SAMD12: variants seen among roughly 807,000 people sequenced by gnomAD.
SAMD12 encodes the protein sterile alpha motif domain-containing protein 12.
In SAMD12, 9 loss-of-function variants were observed where a neutral mutation model predicts 15.0. The observed-to-expected ratio is 0.60, with a 90% CI of 0.36 to 1.05. SAMD12 has a LOEUF of 1.05. SAMD12 is among the 50% of genes least tolerant of loss of function. The pLI is 0.01. For missense variants in SAMD12, 230 were observed against 234.2 expected (o/e 0.98, Z 0.12); for synonymous variants, 86 against 90.1 (o/e 0.96, Z 0.25).
chr8:118,454,210 A>C (rs78905540), intron 2 of SAMD12, among the ~76,000 whole-genome samples: 3,657 of 152,350 alleles, frequency 0.024, 131 homozygotes, highest in African/African-American at 0.083. Flanking sequence ...TTGATTGATA[A>C]AATGGCTAGA....
At chr8:118,283,188 G>T (rs1813742514) in intron 4 of SAMD12, among the ~76,000 whole-genome samples, 1 of 152,028 alleles carries the variant, frequency 6.6e-6, no homozygotes, top group South Asian at 2.1e-4. Context: ...GTGCAGGTTT[G>T]TTACATATGT....
the SAMD12 span, among the ~76,000 whole-genome samples, chr8:118,141,180 GTCAACACTTT>G: frequency 3.3e-5 from 5 of 152,346 alleles, no homozygotes; most frequent in Middle Eastern, 3.4e-3. Flanking sequence ...AAAGGACATT[GTCAACACTTT>G]TCTGGCTCAG....
intron 2 of SAMD12, among the ~76,000 whole-genome samples, chr8:118,528,703 A>G (rs1825600882): frequency 1.3e-5 from 2 of 152,222 alleles, no homozygotes. Flanking sequence ...CTCTGCCCAG[A>G]AAAGTGAGTC....
intron 4 of SAMD12, among the ~76,000 whole-genome samples, chr8:118,238,220 AC>A (rs1486400945): frequency 6.6e-6 from 1 of 152,082 alleles, no homozygotes; most frequent in Non-Finnish European, 1.5e-5. Context: ...CATGCATCTG[AC>A]ATTTTACCAG....
intron 2 of SAMD12, among the ~76,000 whole-genome samples, chr8:118,475,807 A>T (rs1823943699): frequency 6.6e-6 from 1 of 152,204 alleles, no homozygotes; most frequent in Admixed American, 6.5e-5. Flanking sequence ...CATTAGCGTC[A>T]CCATGTAATT....
In SAMD12 at chr8:118,222,794, G is replaced by T. The variant is rs17507606; in HGVS notation, c.434-25062C>A. Among the ~76,000 whole-genome samples, 298 of 152,066 alleles carry T rather than the reference G, an allele frequency of 2.0e-3. 1 individual carries two copies. The highest frequency in any genetic ancestry group is 6.9e-3 in the African/African-American group (288 of 41,484). The stretch of plus-strand genomic sequence containing the variant: ...CGCTGGGATTACAAGTGTGAGCCAC[G>T]GCACCCGGCCGAGGAAGTGCATTTT... On this transcript the variant is annotated intron_variant, in intron 4 of 4. Coordinates refer to the SAMD12 transcript ENST00000409003.
At chr8:118,178,270 C>T in the SAMD12 span, among the ~76,000 whole-genome samples, 8 of 152,012 alleles carry the variant, frequency 5.3e-5, no homozygotes, top group African/African-American at 1.9e-4. Context: ...AGCCAAGCAA[C>T]GTTTTGTTCA....
the SAMD12 span, among the ~76,000 whole-genome samples, chr8:118,139,433 T>C: frequency 6.6e-6 from 1 of 152,178 alleles, no homozygotes; most frequent in Non-Finnish European, 1.5e-5. Flanking sequence ...ATCATAGCTC[T>C]CTGCAGACTC....
chr8:118,614,162 A>G (rs968582220), intron 1 of SAMD12, among the ~76,000 whole-genome samples: 3 of 152,216 alleles, frequency 2.0e-5, no homozygotes, highest in East Asian at 3.9e-4. Context: ...TTTCATAAGT[A>G]TGGCAGGAAG....
intron 3 of SAMD12, among the ~76,000 whole-genome samples, chr8:118,426,238 G>T (rs555637218): frequency 6.6e-6 from 1 of 152,260 alleles, no homozygotes; most frequent in East Asian, 1.9e-4. Context: ...TATTGTCCGG[G>T]TTTTAACTCC....
rs530780141 is a variant in SAMD12 at position 118,566,381 on chromosome 8, T to C, written c.192+14334A>G. ...TCGCAGTTTTTCAAACCTCAGTTGG[T>C]TTCCTTCCAAATATATATTAGAATT... On this transcript the variant is annotated intron_variant, in intron 2 of 3. Transcript: ENST00000314727. 2.0e-5 allele frequency among the ~76,000 whole-genome samples: 3 copies of C among 152,288 alleles called. No homozygotes were observed. In the East Asian group the frequency reaches 5.8e-4, roughly 29 times the overall value.
At chr8:118,314,558 C>G (rs1438351949) in intron 4 of SAMD12, among the ~76,000 whole-genome samples, 1 of 152,190 alleles carries the variant, frequency 6.6e-6, no homozygotes, top group African/African-American at 2.4e-5. Flanking sequence ...CACTCACCAT[C>G]CCTGACCCCT....
the SAMD12 span, among the ~76,000 whole-genome samples, chr8:118,146,469 T>C: frequency 1.9e-4 from 29 of 152,172 alleles, no homozygotes; most frequent in African/African-American, 5.1e-4. Context: ...TTTTCCCCAT[T>C]AGACTTTGTA....
intron 4 of SAMD12, among the ~76,000 whole-genome samples, chr8:118,257,432 G>A (rs1223728978): frequency 6.6e-6 from 1 of 152,048 alleles, no homozygotes; most frequent in African/African-American, 2.4e-5. Flanking sequence ...CCAATAGAGG[G>A]TTACTGTGTT....
chr8:118,258,741 C>T (rs997214428), intron 4 of SAMD12, among the ~76,000 whole-genome samples: 1 of 152,058 alleles, frequency 6.6e-6, no homozygotes, highest in African/African-American at 2.4e-5. Context: ...TTCCATCTGT[C>T]CCTTACTCTA....
intron 4 of SAMD12, among the ~76,000 whole-genome samples, chr8:118,216,735 G>GATATT (rs1384931433): frequency 4.6e-5 from 7 of 152,174 alleles, no homozygotes; most frequent in Non-Finnish European, 8.8e-5. Context: ...AATAACTGAT[G>GATATT]TGCATAATGA....
At chr8:118,576,093 C>T (rs534316143) in intron 2 of SAMD12, among the ~76,000 whole-genome samples, 1 of 151,980 alleles carries the variant, frequency 6.6e-6, no homozygotes, top group East Asian at 1.9e-4. Flanking sequence ...ATTCCTATAC[C>T]CAGAGAACTT....
chr8:118,428,983 G>A (rs185580888), intron 3 of SAMD12, among the ~76,000 whole-genome samples: 14 of 152,120 alleles, frequency 9.2e-5, no homozygotes, highest in African/African-American at 2.9e-4. Flanking sequence ...TAAAAAATCT[G>A]GTGTTATATT....
intron 4 of SAMD12, among the ~76,000 whole-genome samples, chr8:118,229,567 T>G (rs957873339): frequency 6.6e-6 from 1 of 152,174 alleles, no homozygotes; most frequent in African/African-American, 2.4e-5. Flanking sequence ...TCCCACTTCA[T>G]CAAACACTAT....
Sources: allele counts gnomAD v4.1 joint callset (sites outside exome capture counted in the v4.1 genomes callset), GRCh38; gene constraint gnomAD v4.1.1; transcripts MANE v1.5; gene names NCBI Gene and HGNC (gene_info 2026-07-23, HGNC 2026-07-21).